MYZAP: variants seen among roughly 807,000 people sequenced by gnomAD.
MYZAP encodes myocardial zonula adherens protein, also known as GRINL1A complex locus upstream.
MYZAP carries 66 observed loss-of-function variants against 69.4 expected under a neutral mutation model. The ratio of observed to expected loss-of-function variants is 0.95; its 90% CI spans 0.78 to 1.17. The LOEUF (loss-of-function observed/expected upper bound fraction) is 1.17, where lower values mean the gene tolerates loss of function less well. MYZAP is among the 50% of genes most tolerant of loss of function. MYZAP has a pLI of 0.00. For missense variants in MYZAP, 611 were observed against 556.2 expected (o/e 1.10, Z -0.99); for synonymous variants, 256 against 205.9 (o/e 1.24, Z -2.09).
intron 9 of MYZAP, among the ~76,000 whole-genome samples, chr15:57,638,591 C>T (rs1384698356): frequency 6.6e-6 from 1 of 152,194 alleles, no homozygotes; most frequent in Non-Finnish European, 1.5e-5. Context: ...AACTAGACCA[C>T]CAGACCTTTC....
intron 11 of MYZAP, among the ~76,000 whole-genome samples, chr15:57,668,265 T>G (rs1005014571): frequency 6.6e-6 from 1 of 152,230 alleles, no homozygotes; most frequent in African/African-American, 2.4e-5. Flanking sequence ...CAACTCATTA[T>G]GTGAAGATAG....
chr15:57,616,165 A>G (rs1325195941), intron 2 of MYZAP, among the ~76,000 whole-genome samples: 5 of 152,236 alleles, frequency 3.3e-5, no homozygotes, highest in Non-Finnish European at 5.9e-5. Flanking sequence ...TAAAGAACTT[A>G]CTGTTCTGCC....
chr15:57,668,147 T>C (rs532987675), intron 11 of MYZAP, among the ~76,000 whole-genome samples: 34 of 152,236 alleles, frequency 2.2e-4, no homozygotes, highest in Non-Finnish European at 4.6e-4. Context: ...CAGAGTGGTA[T>C]TCCATTGTAT....
At chr15:57,668,609 C>T (rs2038708796) in intron 11 of MYZAP, among the ~76,000 whole-genome samples, 1 of 152,092 alleles carries the variant, frequency 6.6e-6, no homozygotes, top group Non-Finnish European at 1.5e-5. Flanking sequence ...ATGTGCATTT[C>T]CTTGTCAACT....
intron 1 of MYZAP, among the ~76,000 whole-genome samples, chr15:57,597,582 C>T (rs546488406): frequency 7.4e-4 from 112 of 152,260 alleles, no homozygotes; most frequent in African/African-American, 2.6e-3. Flanking sequence ...GTGCCTTCAT[C>T]CACCTGTGTT....
intron 1 of MYZAP, among the ~76,000 whole-genome samples, chr15:57,598,044 A>G (rs1401619426): frequency 6.6e-6 from 1 of 152,234 alleles, no homozygotes; most frequent in African/African-American, 2.4e-5. Context: ...CCATCTTTGT[A>G]AACTGGCAAA....
At chr15:57,635,052 G>T (rs1212463579) in intron 8 of MYZAP, among the ~76,000 whole-genome samples, 1 of 152,208 alleles carries the variant, frequency 6.6e-6, no homozygotes. Context: ...GCATAGCAGG[G>T]TGGTCTGGGG....
At chr15:57,657,349 A>G (rs567038772) in intron 10 of MYZAP, among the ~76,000 whole-genome samples, 169 of 152,352 alleles carry the variant, frequency 1.1e-3, no homozygotes, top group Non-Finnish European at 1.5e-3. Flanking sequence ...TGAAAAAGAC[A>G]TACCGTGAGA....
chr15:57,625,926 C>A (rs1370978373), intron 5 of MYZAP, 34 bp downstream of exon 5: 1 of 1,589,392 alleles, frequency 6.3e-7, no homozygotes. Flanking sequence ...ACAGGGCAAC[C>A]CAGCTTAATC....
chr15:57,662,147 G>C (rs898422902), intron 11 of MYZAP, among the ~76,000 whole-genome samples: 1 of 152,158 alleles, frequency 6.6e-6, no homozygotes, highest in Non-Finnish European at 1.5e-5. Context: ...TGGGGATTTT[G>C]TATATGTTCC....
At chr15:57,620,433 C>G (rs1429105452) in intron 3 of MYZAP, among the ~76,000 whole-genome samples, 2 of 152,096 alleles carry the variant, frequency 1.3e-5, no homozygotes, top group Non-Finnish European at 2.9e-5. Context: ...GACTTCCTGC[C>G]CTATTTGAGG....
intron 5 of MYZAP, among the ~76,000 whole-genome samples, chr15:57,629,214 G>C (rs566709178): frequency 4.6e-4 from 70 of 151,756 alleles, no homozygotes; most frequent in Admixed American, 9.2e-4. Flanking sequence ...TAAGAAAATA[G>C]ATACCCATAG....
At position 57,611,807 on chromosome 15, in the gene MYZAP, A is replaced by G. The variant is rs151014035; in HGVS notation, c.163-6226A>G. Among the ~76,000 whole-genome samples the G allele has an allele frequency of 9.9e-3, 1,512 of 152,192 alleles. 27 individuals carry two copies. The highest frequency in any genetic ancestry group is 0.034 in the African/African-American group (1,430 of 41,518). ...GCAGTGGCTATTCCCAGGTGCAATCATAGCACACGATTGCCTTGAACACCT... is the reference window on the plus strand; with the variant it reads ...GCAGTGGCTATTCCCAGGTGCAATCGTAGCACACGATTGCCTTGAACACCT... On this transcript the variant is annotated intron_variant, in intron 2 of 12. Coordinates refer to ENST00000267853, the MANE Select transcript of MYZAP (RefSeq NM_001018100.5).
At position 57,629,747 on chromosome 15, in the gene MYZAP, C is replaced by G; in HGVS notation, c.571C>G (p.Gln191Glu). The G allele has an allele frequency of 6.2e-7, 1 of 1,613,458 alleles. No homozygotes were observed. The part of the protein sequence containing the change: ...VTLENSNIKD[Q>E]IRNLQQTYEA... ...TTTGGAAAACAGCAACATTAAGGAT[C>G]AAATCAGAAATCTGCAGCAGACGTA... The change falls in exon 6 of 13, where the codon CAA (glutamine) becomes GAA (glutamate). Residue 191 changes from glutamine to glutamate, a missense_variant. Gln to Glu is a conservative substitution (Grantham distance 29, BLOSUM62 2). Coordinates refer to ENST00000267853, the MANE Select transcript of MYZAP (RefSeq NM_001018100.5).
chr15:57,682,180 C>T (rs764398080), intron 12 of MYZAP, among the ~76,000 whole-genome samples: 1 of 152,074 alleles, frequency 6.6e-6, no homozygotes, highest in Non-Finnish European at 1.5e-5. Context: ...AGCAACCCTG[C>T]CTGAGCTTTG....
chr15:57,618,627 A>G (rs2035624078), intron 3 of MYZAP, among the ~76,000 whole-genome samples: 1 of 152,190 alleles, frequency 6.6e-6, no homozygotes, highest in Non-Finnish European at 1.5e-5. Flanking sequence ...AATCAATGCC[A>G]TTTCCTTGTA....
intron 4 of MYZAP, 83 bp from the exon 5 acceptor site, chr15:57,625,696 C>G: frequency 7.8e-7 from 1 of 1,285,470 alleles, no homozygotes; most frequent in Non-Finnish European, 1.1e-6. Flanking sequence ...TGGCTTCTAA[C>G]AGAAGAAAGT....
chr15:57,672,265 T>C (rs1025564457), intron 11 of MYZAP, among the ~76,000 whole-genome samples: 2 of 152,172 alleles, frequency 1.3e-5, no homozygotes, highest in South Asian at 4.1e-4. Context: ...ATCTTTCTGT[T>C]AATATTTTAC....
In MYZAP at chr15:57,621,652, C is replaced by A; in HGVS notation, c.363C>A (p.Asp121Glu). 1 of 1,613,944 alleles carries A rather than the reference C, an allele frequency of 6.2e-7. No homozygotes were observed. The highest frequency in any genetic ancestry group is 8.5e-7 in the Non-Finnish European group (1 of 1,179,908). Residue 121 changes from aspartate to glutamate, a missense_variant, in exon 4 of 13, where the codon GAC becomes GAA. By Grantham distance (45) the Asp-to-Glu change is conservative. Transcript: ENST00000267853. ...LEKVRKRMYG[D>E]YDEMRQKIRQ... ...AGGTGAGAAAGCGAATGTATGGAGACTATGATGAGATGAGACAGAAGATTC... is the reference window on the plus strand; with the variant it reads ...AGGTGAGAAAGCGAATGTATGGAGAATATGATGAGATGAGACAGAAGATTC...
Sources: allele counts gnomAD v4.1 joint callset (sites outside exome capture counted in the v4.1 genomes callset), GRCh38; gene constraint gnomAD v4.1.1; transcripts MANE v1.5; gene names NCBI Gene and HGNC (gene_info 2026-07-23, HGNC 2026-07-21).